PTPRR: variants seen among roughly 807,000 people sequenced by gnomAD.
PTPRR encodes the protein protein tyrosine phosphatase receptor type R, also known as receptor-type tyrosine-protein phosphatase R.
In PTPRR, 38 loss-of-function variants were observed where a neutral mutation model predicts 77.2. That is an observed-to-expected ratio of 0.49 (90% CI 0.38 to 0.65). PTPRR has a LOEUF of 0.65. PTPRR is among the 30% of genes least tolerant of loss of function. PTPRR has a pLI of 0.00. For missense variants in PTPRR, 744 were observed against 799.2 expected (o/e 0.93, Z 0.83); for synonymous variants, 299 against 283.1 (o/e 1.06, Z -0.57).
chr12:70,873,677 C>G (rs1892999884), intron 2 of PTPRR, among the ~76,000 whole-genome samples: 1 of 151,580 alleles, frequency 6.6e-6, no homozygotes, highest in East Asian at 1.9e-4. Context: ...CCATGTGTTA[C>G]TTTTCCTTCT....
intron 6 of PTPRR, among the ~76,000 whole-genome samples, chr12:70,723,795 G>T (rs1363759520): frequency 6.6e-6 from 1 of 151,934 alleles, no homozygotes; most frequent in Non-Finnish European, 1.5e-5. Context: ...TATGTGCATG[G>T]CCCAACTCAA....
At chr12:70,750,853 T>A (rs961559217) in intron 5 of PTPRR, among the ~76,000 whole-genome samples, 1 of 151,840 alleles carries the variant, frequency 6.6e-6, no homozygotes, top group Admixed American at 6.6e-5. Context: ...GTCAGTCTCC[T>A]CAGTAGCTGG....
At chr12:70,781,595 TTGAG>T (rs946232715) in intron 2 of PTPRR, among the ~76,000 whole-genome samples, 5 of 152,298 alleles carry the variant, frequency 3.3e-5, no homozygotes, top group East Asian at 3.9e-4. Context: ...CAAAGCGTTA[TTGAG>T]TAAGTTTTTA....
chr12:70,761,262 A>G (rs886309734), intron 4 of PTPRR, among the ~76,000 whole-genome samples: 1 of 152,254 alleles, frequency 6.6e-6, no homozygotes, highest in Non-Finnish European at 1.5e-5. Flanking sequence ...GAAAAATGCC[A>G]AAAAGTGAAA....
At chr12:70,826,962 C>T (rs1353793605) in intron 2 of PTPRR, among the ~76,000 whole-genome samples, 1 of 152,160 alleles carries the variant, frequency 6.6e-6, no homozygotes, top group Admixed American at 6.5e-5. Context: ...CCTTGCTCTT[C>T]CACCCTCCTA....
At chr12:70,795,359 C>T (rs1455637138) in intron 2 of PTPRR, among the ~76,000 whole-genome samples, 1 of 152,094 alleles carries the variant, frequency 6.6e-6, no homozygotes, top group Non-Finnish European at 1.5e-5. Flanking sequence ...GGAATAGCTT[C>T]AAAACAGAAT....
chr12:70,640,826 T>C (rs1885971208), intron 13 of PTPRR, among the ~76,000 whole-genome samples: 1 of 152,210 alleles, frequency 6.6e-6, no homozygotes, highest in South Asian at 2.1e-4. Flanking sequence ...AACTTCCTTG[T>C]TTTAAACTAA....
At chr12:70,821,242 T>TTTTTTTTTTTTTTTTTTTTTTTTG (rs1592776472) in intron 2 of PTPRR, among the ~76,000 whole-genome samples, 1 of 105,082 alleles carries the variant, frequency 9.5e-6, no homozygotes. Context: ...TTTTTTTTTT[T>TTTTTTTTTTTTTTTTTTTTTTTTG]AGGACAGAGT....
intron 2 of PTPRR, among the ~76,000 whole-genome samples, chr12:70,877,856 A>G (rs1488076364): frequency 6.6e-6 from 1 of 152,196 alleles, no homozygotes; most frequent in African/African-American, 2.4e-5. Context: ...ACTATACTAC[A>G]AGGCTACAGT....
At chr12:70,712,527 A>T (rs557438057) in intron 6 of PTPRR, among the ~76,000 whole-genome samples, 1 of 150,316 alleles carries the variant, frequency 6.7e-6, no homozygotes, top group East Asian at 2.0e-4. Flanking sequence ...TCAAGTGCAG[A>T]TATTAGGCAT....
At chr12:70,870,218 A>T (rs1349110440) in intron 2 of PTPRR, among the ~76,000 whole-genome samples, 1 of 152,160 alleles carries the variant, frequency 6.6e-6, no homozygotes, top group East Asian at 1.9e-4. Context: ...ATGAAAGGGG[A>T]TGCAGAGCAA....
intron 6 of PTPRR, among the ~76,000 whole-genome samples, chr12:70,727,424 A>T (rs1889481548): frequency 6.6e-6 from 1 of 152,182 alleles, no homozygotes; most frequent in Admixed American, 6.5e-5. Context: ...AATTAAAAAA[A>T]CCAGAATTAA....
intron 12 of PTPRR, among the ~76,000 whole-genome samples, chr12:70,658,628 G>A (rs1886668234): frequency 1.3e-5 from 2 of 151,878 alleles, no homozygotes; most frequent in African/African-American, 4.8e-5. Context: ...AGCTTGTCTT[G>A]AAGAGAAAGT....
At chr12:70,855,309 A>G (rs540493986) in intron 2 of PTPRR, among the ~76,000 whole-genome samples, 2 of 152,208 alleles carry the variant, frequency 1.3e-5, no homozygotes, top group Non-Finnish European at 2.9e-5. Flanking sequence ...AGGAATAGTT[A>G]TCATATGGGG....
At chr12:70,651,263 C>T (rs1343310866) in intron 13 of PTPRR, among the ~76,000 whole-genome samples, 1 of 152,200 alleles carries the variant, frequency 6.6e-6, no homozygotes, top group African/African-American at 2.4e-5. Flanking sequence ...TCTCCAGCTA[C>T]CACACTGAAA....
At chr12:70,767,016 G>A (rs565634171) in intron 2 of PTPRR, among the ~76,000 whole-genome samples, 215 of 151,990 alleles carry the variant, frequency 1.4e-3, no homozygotes, top group African/African-American at 4.7e-3. Context: ...TGAAGGAAGC[G>A]CTAAACATGG....
rs1313595960 is a variant in PTPRR, at chr12:70,698,192, T to C, written c.1279+73A>G. ...GCATCCATCAACCCATCATCTACAT[T>C]AGGTATTTCTCCTAATGGCTATCCC... is the stretch of plus-strand genomic sequence containing the variant. On this transcript the variant is annotated intron_variant, in intron 8 of 13. Transcript: ENST00000283228. 3.3e-5 allele frequency: 42 copies of C among 1,281,640 alleles called. 2 individuals are homozygous for C. The South Asian group carries it at 5.1e-4, about 16-fold the overall frequency. The allele number at this position is 1,281,640 out of a possible 1,614,324, so 79.4% of individuals were successfully genotyped here. A position where few individuals can be genotyped will look rare whatever the true frequency, so the allele number is the denominator to read the frequency against.
chr12:70,691,941 C>A (rs1360751750), intron 8 of PTPRR, among the ~76,000 whole-genome samples: 2 of 152,126 alleles, frequency 1.3e-5, no homozygotes, highest in African/African-American at 4.8e-5. Flanking sequence ...AAATGTCATC[C>A]ATACTTCCCA....
chr12:70,877,687 A>G (rs1443709624), intron 2 of PTPRR, among the ~76,000 whole-genome samples: 3 of 152,228 alleles, frequency 2.0e-5, no homozygotes, highest in African/African-American at 7.2e-5. Flanking sequence ...GGTAATTTAT[A>G]GATTCAATGC....
Sources: gnomAD v4.1 joint callset for allele counts (sites outside exome capture counted in the v4.1 genomes callset) on GRCh38, gnomAD v4.1.1 for gene constraint, MANE v1.5 for transcripts, NCBI Gene and HGNC (gene_info 2026-07-23, HGNC 2026-07-21) for gene names.